TNFRSF13B: variants seen among roughly 807,000 people sequenced by gnomAD.
TNFRSF13B encodes the protein tumor necrosis factor receptor superfamily member 13B.
TNFRSF13B carries 34 observed loss-of-function variants against 24.0 expected under a neutral mutation model. The observed-to-expected ratio is 1.41, with a 90% CI of 1.08 to 1.88. TNFRSF13B has a LOEUF of 1.88. Among genes scored for constraint, TNFRSF13B ranks in the 40% most tolerant of loss-of-function variants. The pLI is 0.00. For missense variants in TNFRSF13B, 415 were observed against 380.8 expected (o/e 1.09, Z -0.75); for synonymous variants, 173 against 150.3 (o/e 1.15, Z -1.10).
At chr17:16,961,004 C>T (rs557253577) in intron 1 of TNFRSF13B, among the ~76,000 whole-genome samples, 2 of 152,306 alleles carry the variant, frequency 1.3e-5, no homozygotes, top group South Asian at 4.2e-4. Flanking sequence ...AGAAAAGATG[C>T]TCAACATCAT....
chr17:16,953,240 A>G (rs977538162), intron 1 of TNFRSF13B, among the ~76,000 whole-genome samples: 2 of 152,218 alleles, frequency 1.3e-5, no homozygotes, highest in African/African-American at 4.8e-5. Context: ...GCACCTGCTC[A>G]TTAAGTGAAT....
intron 1 of TNFRSF13B, among the ~76,000 whole-genome samples, chr17:16,964,850 G>A (rs1033296396): frequency 1.3e-5 from 2 of 151,964 alleles, no homozygotes; most frequent in African/African-American, 2.4e-5. Flanking sequence ...GGGAAAGCAC[G>A]GCTGAGTCAT....
chr17:16,956,078 G>A (rs916771835), intron 1 of TNFRSF13B, among the ~76,000 whole-genome samples: 3 of 152,124 alleles, frequency 2.0e-5, no homozygotes, highest in African/African-American at 7.3e-5. Flanking sequence ...TCTGGTCTGG[G>A]AGCCAAGCAC....
chr17:16,951,647 G>A (rs2143661074), intron 2 of TNFRSF13B, among the ~76,000 whole-genome samples: 1 of 152,296 alleles, frequency 6.6e-6, no homozygotes, highest in East Asian at 1.9e-4. Flanking sequence ...CCAGCACTTT[G>A]GGAGGCCGAG....
In TNFRSF13B at chr17:16,948,847, C is replaced by T. The variant is rs1376823155; in HGVS notation, c.336G>A (p.Val112=). 5 of 1,614,098 alleles carry T rather than the reference C, an allele frequency of 3.1e-6. No homozygotes were observed. Among genetic ancestry groups the T allele is most frequent in the African/African-American group, 1.3e-5 (1 of 74,928 alleles). Residue 112 remains valine (V), a synonymous_variant, in exon 3 of 5, where the codon GTG becomes GTA. Transcript: ENST00000261652. ...GTCTCCTGAGCTCTGGTGGAAGGTT[C>T]ACTGGGCTCCTGAGCTTGTTCTCAC... ...YFCENKLRSP[V]NLPPELRRQR... is the part of the protein sequence containing the mutation.
At chr17:16,940,733 G>A (rs573895795) in intron 3 of TNFRSF13B, 1 of 1,438,248 alleles carries the variant, frequency 7.0e-7, no homozygotes, top group South Asian at 1.5e-5. Context: ...CCTCAAAGCT[G>A]GAAACGTGAG....
At chr17:16,943,594 C>T (rs1015369285) in intron 3 of TNFRSF13B, among the ~76,000 whole-genome samples, 2 of 152,152 alleles carry the variant, frequency 1.3e-5, no homozygotes, top group African/African-American at 4.8e-5. Context: ...TCCCCACAGC[C>T]CTGCTCTGAC....
intron 1 of TNFRSF13B, among the ~76,000 whole-genome samples, chr17:16,964,499 C>T (rs932228533): frequency 5.3e-5 from 8 of 151,974 alleles, no homozygotes; most frequent in Admixed American, 1.3e-4. Flanking sequence ...TGTGCCCCTA[C>T]ACCCGGCTAA....
rs558214897 is a variant in TNFRSF13B at position 16,940,271 on chromosome 17, G to T, written c.631+55C>A. The T allele has an allele frequency of 9.3e-6, 15 of 1,611,694 alleles. No homozygotes were observed. In the South Asian group the frequency reaches 1.3e-4, roughly 14 times the overall value. ...CAGTGACAGGACCGAGGGATGGCCC[G>T]AGGCTTGTCACCCAAGCAGCGAGAA... On this transcript the variant is annotated intron_variant, in intron 4 of 4. Transcript: ENST00000261652.
intron 3 of TNFRSF13B, among the ~76,000 whole-genome samples, chr17:16,945,673 C>A (rs1218831846): frequency 6.6e-6 from 1 of 152,200 alleles, no homozygotes; most frequent in African/African-American, 2.4e-5. Context: ...TGGCCCCTCG[C>A]ATCTGTGGCT....
At position 16,956,466 on chromosome 17, in the gene TNFRSF13B, A is replaced by G. The variant is rs1387249884; in HGVS notation, c.62-3883T>C. Reference sequence around the variant, plus strand: ...ATTGGGATTACTAGTCAAAGGTGTGAAATCAAGATTTGTGTTAGGCATGTT... The same window carrying G: ...ATTGGGATTACTAGTCAAAGGTGTGGAATCAAGATTTGTGTTAGGCATGTT... On this transcript the variant is annotated intron_variant, in intron 1 of 4. Coordinates refer to ENST00000261652, the MANE Select transcript of TNFRSF13B (RefSeq NM_012452.3). 2.0e-5 allele frequency among the ~76,000 whole-genome samples: 3 copies of G among 152,360 alleles called. No homozygotes were observed. In the East Asian group the frequency reaches 5.8e-4, roughly 29 times the overall value.
At chr17:16,942,444 G>C (rs1283905235) in intron 3 of TNFRSF13B, among the ~76,000 whole-genome samples, 1 of 152,160 alleles carries the variant, frequency 6.6e-6, no homozygotes, top group Non-Finnish European at 1.5e-5. Context: ...TTTACAGGGG[G>C]GAGATGGGAA....
In TNFRSF13B at chr17:16,948,783, C is replaced by A. The variant is rs2087567066; in HGVS notation, c.400G>T (p.Gly134Ter). The A allele has an allele frequency of 6.2e-7, 1 of 1,614,170 alleles. No homozygotes were observed. The highest frequency in any genetic ancestry group is 8.5e-7 in the Non-Finnish European group (1 of 1,180,038). ...GEVENNSDNSGRYQGLEHRGS... is the reference protein window; with the variant it reads ...GEVENNSDNS ...CTGTGCTCCAATCCTTGGTACCTTC[C>A]CGAGTTGTCTGAATTGTTTTCAACT... is the stretch of plus-strand genomic sequence containing the variant. Residue 134 changes from glycine (G) to a stop codon, truncating the protein, a stop_gained, in exon 3 of 5, where the codon GGA (glycine) becomes TGA (stop). Coordinates refer to ENST00000261652, the MANE Select transcript of TNFRSF13B (RefSeq NM_012452.3). LOFTEE classifies it high-confidence loss of function.
intron 3 of TNFRSF13B, among the ~76,000 whole-genome samples, chr17:16,948,128 T>C (rs1325100859): frequency 1.3e-5 from 2 of 152,174 alleles, no homozygotes; most frequent in African/African-American, 2.4e-5. Context: ...AGTGAAATGC[T>C]AAGTGTCGAA....
rs754331452 is a variant in TNFRSF13B at position 16,972,095 on chromosome 17, T to C, written c.-20A>G. On this transcript the variant is annotated 5_prime_UTR_variant, in exon 1 of 5. Coordinates refer to ENST00000261652, the MANE Select transcript of TNFRSF13B (RefSeq NM_012452.3). The stretch of plus-strand genomic sequence containing the variant: ...ACTCATTACTCAGGATGCTTATTAC[T>C]AGTCTTAGATTTGATTAGTGCTTGG... 3.1e-5 allele frequency: 50 copies of C among 1,613,370 alleles called. No homozygotes were observed. In the African/African-American group the frequency reaches 5.3e-4, roughly 17 times the overall value.
chr17:16,967,610 G>A (rs2087711287), intron 1 of TNFRSF13B, among the ~76,000 whole-genome samples: 1 of 151,502 alleles, frequency 6.6e-6, no homozygotes, highest in South Asian at 2.1e-4. Context: ...AAATTAGCCG[G>A]GCATGGTGGT....
At chr17:16,941,291 C>G (rs2087508538) in intron 3 of TNFRSF13B, 1 of 987,558 alleles carries the variant, frequency 1.0e-6, no homozygotes, top group Non-Finnish European at 1.2e-6. Context: ...ACACTGAGAC[C>G]AGGACAGCAG....
At chr17:16,967,586 A>T (rs994653536) in intron 1 of TNFRSF13B, among the ~76,000 whole-genome samples, 10 of 151,186 alleles carry the variant, frequency 6.6e-5, no homozygotes, top group Non-Finnish European at 1.3e-4. Flanking sequence ...CTCTACTAAA[A>T]ATATATAAAA....
chr17:16,944,646 C>A (rs1363106173), intron 3 of TNFRSF13B, among the ~76,000 whole-genome samples: 1 of 152,298 alleles, frequency 6.6e-6, no homozygotes, highest in Non-Finnish European at 1.5e-5. Flanking sequence ...CACTGCCTGG[C>A]CTTCCACGAG....
Sources: allele counts gnomAD v4.1 joint callset (sites outside exome capture counted in the v4.1 genomes callset), GRCh38; gene constraint gnomAD v4.1.1; transcripts MANE v1.5; gene names NCBI Gene and HGNC (gene_info 2026-07-23, HGNC 2026-07-21).